ZMYM2: variants seen among roughly 807,000 people sequenced by gnomAD.
ZMYM2 encodes the protein zinc finger MYM-type containing 2, also known as zinc finger MYM-type protein 2.
A neutral mutation model predicts 162.8 loss-of-function variants in ZMYM2; 56 were observed. The observed-to-expected ratio is 0.34, with a 90% CI of 0.28 to 0.43. The LOEUF is 0.43. ZMYM2 is among the 20% of genes least tolerant of loss of function. ZMYM2 has a pLI of 1.00. For missense variants in ZMYM2, 1,275 were observed against 1,621.8 expected, an observed-to-expected ratio of 0.79 and a Z score of 3.67; for synonymous variants, 510 against 541.6, an observed-to-expected ratio of 0.94 and a Z score of 0.81.
chr13:20,051,638 A>C (rs1955356598), intron 13 of ZMYM2, 40 bp downstream of exon 13: 1 of 1,563,780 alleles, frequency 6.4e-7, no homozygotes, highest in South Asian at 1.2e-5. Flanking sequence ...AACCCTGTAC[A>C]TCAGTCTTTA....
At chr13:19,902,032 T>G in the ZMYM2 span, among the ~76,000 whole-genome samples, 6,118 of 152,068 alleles carry the variant, frequency 0.04, 164 homozygotes, top group Middle Eastern at 0.082. Context: ...CAAGCGATCT[T>G]CCTGCCTCAG....
At chr13:19,896,301 G>A in the ZMYM2 span, among the ~76,000 whole-genome samples, 150 of 151,376 alleles carry the variant, frequency 9.9e-4, no homozygotes, top group Middle Eastern at 0.01. Flanking sequence ...ATGCCATCAC[G>A]CCTGGCTAAT....
intron 12 of ZMYM2, among the ~76,000 whole-genome samples, chr13:20,049,840 T>C (rs1371550067): frequency 6.6e-6 from 1 of 152,056 alleles, no homozygotes; most frequent in Non-Finnish European, 1.5e-5. Flanking sequence ...TTTTGGTTCC[T>C]GCATTGTTCG....
At chr13:19,984,873 C>T (rs11841190) in intron 2 of ZMYM2, among the ~76,000 whole-genome samples, 41 of 152,134 alleles carry the variant, frequency 2.7e-4, no homozygotes, top group African/African-American at 8.9e-4. Context: ...CTAAGGAGAT[C>T]GAATTGACAC....
chr13:19,936,370 T>C, the ZMYM2 span, among the ~76,000 whole-genome samples: 25 of 152,172 alleles, frequency 1.6e-4, no homozygotes, highest in Admixed American at 5.2e-4. Context: ...GTAAACATAT[T>C]TTTAAAGATG....
chr13:20,071,790 CTT>C (rs1957105965), intron 21 of ZMYM2: 1 of 179,782 alleles, frequency 5.6e-6, no homozygotes, highest in East Asian at 9.3e-5. Flanking sequence ...CCATGAATGA[CTT>C]TAATTTCTCT....
At chr13:19,954,797 T>G (rs75012055), upstream of ZMYM2, among the ~76,000 whole-genome samples, 3,986 of 152,152 alleles carry the variant, frequency 0.026, 116 homozygotes, top group East Asian at 0.13. Flanking sequence ...AGTGTTTCCA[T>G]TGTTAAAATA....
Position 20,074,196 on chromosome 13 carries a change from T to TTGTGTGTG in ZMYM2, c.3453+6841_3453+6848dup, listed in dbSNP as rs59855358. On this transcript the variant is annotated intron_variant, in intron 21 of 24. Coordinates refer to ENST00000610343, the MANE Select transcript of ZMYM2 (RefSeq NM_197968.4). ...TGTGTTGTGTAGCATATGTCAGAAT[T>TTGTGTGTG]TGTGTGTGTGTGTGTGTGTGTGTGT... 6.6e-3 allele frequency among the ~76,000 whole-genome samples: 931 copies of TTGTGTGTG among 141,566 alleles called. 6 individuals carry two copies. The highest frequency in any genetic ancestry group is 0.018 in the Middle Eastern group (5 of 278). 92.9% of individuals were successfully genotyped at this position (141,566 alleles called of 152,430 possible). A position where few individuals can be genotyped will look rare whatever the true frequency, so the allele number is the denominator to read the frequency against.
At chr13:20,022,300 G>A (rs537465440) in intron 7 of ZMYM2, among the ~76,000 whole-genome samples, 168 of 152,238 alleles carry the variant, frequency 1.1e-3, no homozygotes, top group African/African-American at 3.6e-3. Context: ...CCCTCAATTC[G>A]TGTTTGTTTG....
rs190440486 is a variant in ZMYM2, at chr13:20,029,763, A to G, written c.1852-1556A>G. Reference sequence around the variant, plus strand: ...GATTAGGAATTAGAAAAAATCTGTCAGTGTCCATGTATGCTTATATTGTGT... The same window carrying G: ...GATTAGGAATTAGAAAAAATCTGTCGGTGTCCATGTATGCTTATATTGTGT... On this transcript the variant is annotated intron_variant, in intron 9 of 24. Transcript: ENST00000610343. 1.2e-3 allele frequency among the ~76,000 whole-genome samples: 180 copies of G among 152,254 alleles called. 1 individual carries two copies. Among genetic ancestry groups the G allele is most frequent in the African/African-American group, 4.2e-3 (173 of 41,556 alleles).
intron 6 of ZMYM2, among the ~76,000 whole-genome samples, chr13:20,010,115 G>GT (rs1951052107): frequency 6.6e-6 from 1 of 152,056 alleles, no homozygotes; most frequent in Admixed American, 6.5e-5. Context: ...AGATATCTTA[G>GT]TGCATGTGCG....
chr13:19,955,338 T>A (rs527888526), upstream of ZMYM2, among the ~76,000 whole-genome samples: 2 of 152,284 alleles, frequency 1.3e-5, no homozygotes, highest in South Asian at 4.1e-4. Context: ...TATACATGTA[T>A]GCTCGTTTCA....
At chr13:20,074,066 CTA>C (rs1555330236) in intron 21 of ZMYM2, among the ~76,000 whole-genome samples, 2 of 152,100 alleles carry the variant, frequency 1.3e-5, no homozygotes. Context: ...CTTTCTATCT[CTA>C]TGATTTTGAC....
At chr13:19,893,084 G>C in the ZMYM2 span, among the ~76,000 whole-genome samples, 2 of 151,302 alleles carry the variant, frequency 1.3e-5, no homozygotes, top group African/African-American at 4.9e-5. Flanking sequence ...TATAGTGTTT[G>C]TTTCTACATA....
At chr13:19,985,860 A>AG (rs1242839797) in intron 2 of ZMYM2, among the ~76,000 whole-genome samples, 3 of 151,596 alleles carry the variant, frequency 2.0e-5, no homozygotes, top group African/African-American at 7.3e-5. Flanking sequence ...TGGGCAACAG[A>AG]GTGAGACTCT....
At chr13:20,062,213 GT>G (rs892854836) in intron 17 of ZMYM2, among the ~76,000 whole-genome samples, 1 of 152,156 alleles carries the variant, frequency 6.6e-6, no homozygotes, top group African/African-American at 2.4e-5. Context: ...CAGTGTTTTT[GT>G]TTAAGAAAAG....
chr13:20,009,292 CT>C (rs1950986769), intron 6 of ZMYM2, among the ~76,000 whole-genome samples: 1 of 152,140 alleles, frequency 6.6e-6, no homozygotes. Flanking sequence ...GGACTAGGCT[CT>C]GATGTTTTCA....
At chr13:19,970,113 A>G (rs746450822) in intron 2 of ZMYM2, 68 of 965,748 alleles carry the variant, frequency 7.0e-5, no homozygotes, top group Non-Finnish European at 8.1e-5. Flanking sequence ...CTGTTTAAAC[A>G]TTATGGAAAA....
intron 12 of ZMYM2, among the ~76,000 whole-genome samples, chr13:20,049,899 G>C (rs979035205): frequency 6.6e-6 from 1 of 151,864 alleles, no homozygotes; most frequent in Non-Finnish European, 1.5e-5. Context: ...TTTATGCTTT[G>C]TCTTTTCTTT....
Sources: allele counts gnomAD v4.1 joint callset (sites outside exome capture counted in the v4.1 genomes callset), GRCh38; gene constraint gnomAD v4.1.1; transcripts MANE v1.5; gene names NCBI Gene and HGNC (gene_info 2026-07-23, HGNC 2026-07-21).